Variants in SMG6 observed in about 807,000 individuals in gnomAD.
The protein encoded by SMG6 is telomerase-binding protein EST1A.
Under a neutral mutation model 142.2 loss-of-function variants are expected in SMG6, and 66 were observed. The ratio of observed to expected loss-of-function variants is 0.46; its 90% CI spans 0.38 to 0.57. The LOEUF (loss-of-function observed/expected upper bound fraction) is 0.57, where lower values mean the gene tolerates loss of function less well. Among genes scored for constraint, SMG6 ranks in the 20% least tolerant of loss-of-function variants. The pLI, the probability that SMG6 is intolerant of heterozygous loss-of-function variation, is 0.00. For synonymous variants in SMG6, 779 were observed against 702.4 expected (o/e 1.11, Z -1.72); for missense variants, 1,793 against 1,832.0 (o/e 0.98, Z 0.39).
At position 2,299,021 on chromosome 17, in the gene SMG6, G is replaced by C; in HGVS notation, c.1732C>G (p.Gln578Glu). ...EVEQHMRNLQ[Q>E]QELHRLLRVA... ...CGGAGAAGCCTGTGCAGCTCCTGTT[G>C]CTGCAGGTTCCTCATGTGCTGCTCT... The change falls in exon 2 of 19, where the codon CAA (glutamine) becomes GAA (glutamate). Residue 578 changes from glutamine (Q) to glutamate (E), a missense_variant. Coordinates refer to ENST00000263073, the MANE Select transcript of SMG6 (RefSeq NM_017575.5). This position sits in a 1 kb window ranked among gnomAD's most constrained non-coding sequence, Gnocchi z 4.3. The C allele has an allele frequency of 6.2e-7, 1 of 1,614,198 alleles. No homozygotes were observed. Among genetic ancestry groups the C allele is most frequent in the Non-Finnish European group, 8.5e-7 (1 of 1,180,044 alleles).
chr17:2,097,534 G>A (rs1015131990), intron 13 of SMG6, among the ~76,000 whole-genome samples: 7 of 152,146 alleles, frequency 4.6e-5, no homozygotes, highest in African/African-American at 1.7e-4. Flanking sequence ...TTTCCTACCA[G>A]AAGGCCATTC....
chr17:2,206,091 G>A (rs1416933040), intron 10 of SMG6, among the ~76,000 whole-genome samples: 1 of 152,138 alleles, frequency 6.6e-6, no homozygotes, highest in Admixed American at 6.6e-5. Context: ...TCATAGGCGT[G>A]AGCAATTGCA....
At chr17:2,138,184 AG>A (rs895764677) in intron 13 of SMG6, among the ~76,000 whole-genome samples, 1 of 152,148 alleles carries the variant, frequency 6.6e-6, no homozygotes, top group Non-Finnish European at 1.5e-5. Flanking sequence ...TTCAGAAAGA[AG>A]AAAAAAAATA....
At chr17:2,150,619 G>C (rs1470295764) in intron 13 of SMG6, among the ~76,000 whole-genome samples, 3 of 152,106 alleles carry the variant, frequency 2.0e-5, no homozygotes, top group Non-Finnish European at 4.4e-5. Flanking sequence ...CGATGCTATG[G>C]AAGTGACCAG....
chr17:2,097,630 G>A (rs2151465306), intron 13 of SMG6, among the ~76,000 whole-genome samples: 1 of 151,912 alleles, frequency 6.6e-6, no homozygotes, highest in African/African-American at 2.4e-5. Context: ...CGGTTCTCTG[G>A]GGCCATGTAA....
At chr17:2,262,626 T>C (rs2074340777) in intron 8 of SMG6, among the ~76,000 whole-genome samples, 3 of 152,250 alleles carry the variant, frequency 2.0e-5, no homozygotes, top group Admixed American at 1.3e-4. Context: ...AAAGATTACC[T>C]TTCTAGGTCG....
At chr17:2,156,457 T>G (rs1054977256) in intron 13 of SMG6, among the ~76,000 whole-genome samples, 2 of 148,226 alleles carry the variant, frequency 1.3e-5, no homozygotes, top group Non-Finnish European at 3.0e-5. Context: ...CCTTCTATCT[T>G]AGAGTGACAC....
chr17:2,247,841 C>A (rs753412188), intron 8 of SMG6, among the ~76,000 whole-genome samples: 1 of 151,594 alleles, frequency 6.6e-6, no homozygotes, highest in East Asian at 1.9e-4. Flanking sequence ...CGCCTGTAGT[C>A]CCAGCACTTT....
chr17:2,131,028 C>A (rs2151546628), intron 13 of SMG6, among the ~76,000 whole-genome samples: 1 of 152,174 alleles, frequency 6.6e-6, no homozygotes, highest in East Asian at 1.9e-4. Flanking sequence ...ATGACAAACT[C>A]CTGCACAGAG....
chr17:2,109,745 T>C (rs2069256606), intron 13 of SMG6, among the ~76,000 whole-genome samples: 1 of 152,128 alleles, frequency 6.6e-6, no homozygotes, highest in African/African-American at 2.4e-5. Flanking sequence ...AGACAAAATT[T>C]CTGGACCAGC....
chr17:2,261,268 C>T (rs1439945181), intron 8 of SMG6, among the ~76,000 whole-genome samples: 2 of 151,214 alleles, frequency 1.3e-5, no homozygotes, highest in African/African-American at 2.4e-5. Context: ...GAGCCAAGAT[C>T]GCACCACTGC....
intron 9 of SMG6, among the ~76,000 whole-genome samples, chr17:2,241,629 G>A (rs375029831): frequency 3.3e-4 from 50 of 152,234 alleles, no homozygotes; most frequent in African/African-American, 1.2e-3. Context: ...GGGCTCAGGC[G>A]ATTCTCCCAC....
In SMG6 at chr17:2,258,166, G is replaced by A. The variant is rs571443252; in HGVS notation, c.2662-13447C>T. 3.3e-5 allele frequency among the ~76,000 whole-genome samples: 5 copies of A among 152,006 alleles called. No individual in the cohort carries two copies. The East Asian group carries it at 9.7e-4, about 29-fold the overall frequency. On this transcript the variant is annotated intron_variant, in intron 8 of 18. Transcript: ENST00000263073. ...CGTCTGTTAACATTACAACAATTCT[G>A]TGAGGATAAGTACTACTATTATTTC... is the stretch of plus-strand genomic sequence containing the variant.
chr17:2,253,119 T>TTTTTTTTATTTATTTATTTA (rs1555565845), intron 8 of SMG6, among the ~76,000 whole-genome samples: 1 of 130,652 alleles, frequency 7.7e-6, no homozygotes, highest in Non-Finnish European at 1.6e-5. Context: ...AAATATTTTA[T>TTTTTTTTATTTATTTATTTA]TTTATTTATT....
intron 13 of SMG6, among the ~76,000 whole-genome samples, chr17:2,110,081 CAAAAA>C: frequency 1.1e-5 from 1 of 87,994 alleles, no homozygotes; most frequent in Non-Finnish European, 3.0e-5. Context: ...GATTCCATCT[CAAAAA>C]AAAAAAAAAA....
Position 2,061,525 on chromosome 17 carries a change from G to C in SMG6, c.4227C>G (p.Ile1409Met). The change falls in exon 19 of 19, where the codon ATC (isoleucine) becomes ATG (methionine). Residue 1409 changes from isoleucine to methionine, a missense_variant. By Grantham distance (10) the Ile-to-Met change is conservative. Transcript: ENST00000263073. Reference protein sequence around the residue: ...ALTRNVPVRDIPAFLTWAQVG With the variant: ...ALTRNVPVRDMPAFLTWAQVG ...CCTGGGCCCACGTGAGGAAGGCTGG[G>C]ATGTCCCGTACAGGAACATTCCTTG... 6.3e-7 allele frequency: 1 copy of C among 1,575,260 alleles called. No individual in the cohort carries two copies. The highest frequency in any genetic ancestry group is 8.6e-7 in the Non-Finnish European group (1 of 1,160,304).
intron 13 of SMG6, among the ~76,000 whole-genome samples, chr17:2,132,387 C>G (rs2070151553): frequency 6.6e-6 from 1 of 152,134 alleles, no homozygotes; most frequent in Non-Finnish European, 1.5e-5. Flanking sequence ...GATGCGTCAC[C>G]CTGGCAGAGA....
chr17:2,140,414 G>A (rs1021203401), intron 13 of SMG6, among the ~76,000 whole-genome samples: 4 of 152,208 alleles, frequency 2.6e-5, no homozygotes, highest in African/African-American at 9.6e-5. Context: ...GCTCACACCT[G>A]TAATCCCAAT....
chr17:2,199,431 G>A (rs1194215827), intron 10 of SMG6, among the ~76,000 whole-genome samples: 1 of 151,858 alleles, frequency 6.6e-6, no homozygotes, highest in Non-Finnish European at 1.5e-5. Flanking sequence ...CCAGGAATTC[G>A]AGACCAGCCT....
Sources: allele counts gnomAD v4.1 joint callset (sites outside exome capture counted in the v4.1 genomes callset), GRCh38; gene constraint gnomAD v4.1.1; non-coding constraint Gnocchi (gnomAD v3.1); transcripts MANE v1.5; gene names NCBI Gene and HGNC (gene_info 2026-07-23, HGNC 2026-07-21).